FSIP2: variants seen among roughly 807,000 people sequenced by gnomAD.
FSIP2 encodes fibrous sheath-interacting protein 2.
FSIP2 carries 367 observed loss-of-function variants against 510.5 expected under a neutral mutation model. The observed-to-expected ratio is 0.72, with a 90% CI of 0.66 to 0.78. FSIP2 has a LOEUF of 0.78. FSIP2 is among the 30% of genes least tolerant of loss of function. The pLI is 0.00. For missense variants in FSIP2, 7,594 were observed against 7,901.7 expected, an observed-to-expected ratio of 0.96 and a Z score of 1.48; for synonymous variants, 2,601 against 2,732.2, an observed-to-expected ratio of 0.95 and a Z score of 1.50.
chr2:185,751,650 G>A (rs1163539298), intron 7 of FSIP2, among the ~76,000 whole-genome samples: 1 of 151,056 alleles, frequency 6.6e-6, no homozygotes. Flanking sequence ...TCTCATCTAT[G>A]TTCTTTTCTT....
intron 7 of FSIP2, among the ~76,000 whole-genome samples, chr2:185,750,214 T>A (rs1032865944): frequency 2.0e-5 from 3 of 151,630 alleles, no homozygotes; most frequent in Non-Finnish European, 3.0e-5. Flanking sequence ...TTTGAAAAAA[T>A]TATTTTAGAA....
intron 13 of FSIP2, among the ~76,000 whole-genome samples, chr2:185,778,987 C>G (rs1182456495): frequency 6.6e-6 from 1 of 151,920 alleles, no homozygotes; most frequent in Non-Finnish European, 1.5e-5. Flanking sequence ...TATCATCATG[C>G]AGTGACCTTT....
intron 7 of FSIP2, among the ~76,000 whole-genome samples, chr2:185,751,644 A>T (rs67690898): frequency 0.55 from 82,260 of 150,772 alleles, 22,651 homozygotes; most frequent in South Asian, 0.64. Context: ...TATTTGTCTC[A>T]TCTATGTTCT....
intron 21 of FSIP2, among the ~76,000 whole-genome samples, chr2:185,831,563 T>C (rs991777747): frequency 2.0e-5 from 3 of 151,954 alleles, no homozygotes; most frequent in East Asian, 3.9e-4. Context: ...GGCTGAACCA[T>C]TGACCCTCAC....
upstream of FSIP2, chr2:185,738,633 G>A (rs772200027): frequency 6.6e-5 from 102 of 1,535,912 alleles, no homozygotes; most frequent in Non-Finnish European, 8.5e-5. Context: ...GAAAGATGAA[G>A]TTTCAACTGT....
At chr2:185,742,022 G>A (rs1013951184) in intron 2 of FSIP2, among the ~76,000 whole-genome samples, 2 of 152,124 alleles carry the variant, frequency 1.3e-5, no homozygotes, top group Non-Finnish European at 2.9e-5. Flanking sequence ...AGTATAAATT[G>A]AATTTCATGC....
chr2:185,804,133 G>T lies in FSIP2; in HGVS notation c.14827G>T (p.Val4943Leu). The stretch of plus-strand genomic sequence containing the variant: ...TAAACAAAGAGAATTATCTTTTATT[G>T]TGAACTCATCTGTCTTTTTGGAGGA... ...DPKQRELSFI[V>L]NSSVFLEEVI... is the part of the protein sequence containing the mutation. The change falls in exon 17 of 23, where the codon GTG becomes TTG. Residue 4943 changes from valine to leucine, a missense_variant. Val to Leu is a conservative substitution (Grantham distance 32, BLOSUM62 1). Transcript: ENST00000424728. 1 of 1,518,912 alleles carries T rather than the reference G, an allele frequency of 6.6e-7. No homozygotes were observed. Among genetic ancestry groups the T allele is most frequent in the South Asian group, 1.2e-5 (1 of 80,458 alleles). 94.1% of individuals were successfully genotyped at this position (1,518,912 alleles called of 1,614,324 possible). A position where few individuals can be genotyped will look rare whatever the true frequency, so the allele number is the denominator to read the frequency against.
At chr2:185,775,327 T>A (rs6733021) in intron 13 of FSIP2, among the ~76,000 whole-genome samples, 1 of 149,494 alleles carries the variant, frequency 6.7e-6, no homozygotes, top group Admixed American at 6.6e-5. Context: ...TTTCTCTGAT[T>A]GCCAGTGATG....
chr2:185,774,074 T>A (rs1281734605), intron 13 of FSIP2, among the ~76,000 whole-genome samples: 2 of 152,204 alleles, frequency 1.3e-5, no homozygotes, highest in Non-Finnish European at 2.9e-5. Flanking sequence ...CTCTTACTAG[T>A]CAGTTAGAAA....
chr2:185,737,253 A>G (rs116154065), upstream of FSIP2, among the ~76,000 whole-genome samples: 34 of 152,326 alleles, frequency 2.2e-4, no homozygotes, highest in African/African-American at 8.2e-4. Context: ...TAAGCCACTA[A>G]GTTTGTGGTG....
chr2:185,828,144 TA>T lies in FSIP2; in HGVS notation c.20474-10del. The stretch of plus-strand genomic sequence containing the variant: ...AGAGACTATTTTACTTTTTTTTTTT[TA>T]ATCTCTACAGAAAGTTCTCAGGAAC... On this transcript the variant is annotated splice_polypyrimidine_tract_variant and intron_variant, in intron 20 of 22. Coordinates refer to ENST00000424728, the MANE Select transcript of FSIP2 (RefSeq NM_173651.4). The T allele has an allele frequency of 6.6e-7, 1 of 1,506,236 alleles. No homozygotes were observed. Among genetic ancestry groups the T allele is most frequent in the Non-Finnish European group, 9.2e-7 (1 of 1,090,002 alleles). The allele number at this position is 1,506,236 out of a possible 1,614,324, so 93.3% of individuals were successfully genotyped here.
chr2:185,790,852 A>T lies in FSIP2; in HGVS notation c.3716A>T (p.Asp1239Val). Residue 1239 changes from aspartate (D) to valine (V), a missense_variant, in exon 16 of 23, where the codon GAT (aspartate) becomes GTT (valine). Coordinates refer to ENST00000424728, the MANE Select transcript of FSIP2 (RefSeq NM_173651.4). ...KMKYLSLFDV[D>V]PEKPPWLKSG... Reference sequence around the variant, plus strand: ...AAATATTTATCTTTATTTGACGTTGATCCTGAAAAGCCTCCCTGGTTAAAA... The same window carrying T: ...AAATATTTATCTTTATTTGACGTTGTTCCTGAAAAGCCTCCCTGGTTAAAA... 6 of 1,533,092 alleles carry T rather than the reference A, an allele frequency of 3.9e-6. No individual in the cohort carries two copies. The South Asian group carries it at 7.2e-5, about 18-fold the overall frequency. The allele number at this position is 1,533,092 out of a possible 1,614,324, so 95.0% of individuals were successfully genotyped here.
chr2:185,745,180 T>C, intron 4 of FSIP2: 1 of 257,116 alleles, frequency 3.9e-6, no homozygotes, highest in Non-Finnish European at 7.2e-6. Context: ...GTGTTTCTTC[T>C]CTACTTCCTG....
Position 185,756,279 on chromosome 2 carries a change from G to A in FSIP2, c.1078+1G>A. On this transcript the variant is annotated splice_donor_variant, in intron 9 of 22. Transcript: ENST00000424728. LOFTEE classifies it high-confidence loss of function. ...CAGAATACATATAAAGAAACACATG[G>A]TAATTGAATATTGTGACAAGAAACA... 1.8e-6 allele frequency: 2 copies of A among 1,138,830 alleles called. No homozygotes were observed. Among genetic ancestry groups the A allele is most frequent in the Non-Finnish European group, 2.4e-6 (2 of 825,624 alleles). 70.5% of individuals were successfully genotyped at this position (1,138,830 alleles called of 1,614,324 possible).
chr2:185,800,910 T>C lies in FSIP2; in HGVS notation c.11604T>C (p.Phe3868=), dbSNP rs1256582150. The part of the protein sequence containing the change: ...SIQQAPESLP[F]ANKHLNYRTR... ...AACAAGCTCCGGAAAGTCTACCTTT[T>C]GCAAATAAGCATTTGAACTACAGAA... The change falls in exon 17 of 23, where the codon TTT becomes TTC. Residue 3868 remains phenylalanine, a synonymous_variant. Transcript: ENST00000424728. 1.3e-5 allele frequency: 20 copies of C among 1,532,762 alleles called. No individual in the cohort carries two copies. The highest frequency in any genetic ancestry group is 2.4e-5 in the South Asian group (2 of 83,656). 94.9% of individuals were successfully genotyped at this position (1,532,762 alleles called of 1,614,324 possible).
chr2:185,742,329 G>A (rs1691939514), intron 2 of FSIP2, among the ~76,000 whole-genome samples: 1 of 152,110 alleles, frequency 6.6e-6, no homozygotes, highest in Admixed American at 6.6e-5. Context: ...TTTAATTCAT[G>A]GTGAGATTGA....
chr2:185,806,115 T>A lies in FSIP2; in HGVS notation c.16809T>A (p.Asp5603Glu). The change falls in exon 17 of 23, where the codon GAT becomes GAA. Residue 5603 changes from aspartate to glutamate, a missense_variant. Coordinates refer to ENST00000424728, the MANE Select transcript of FSIP2 (RefSeq NM_173651.4). ...TEYEKEVLGSDSEIGYKKKID... is the reference protein window; with the variant it reads ...TEYEKEVLGSESEIGYKKKID... ...ATGAGAAGGAAGTACTTGGATCAGA[T>A]TCTGAAATAGGCTATAAAAAGAAGA... The A allele has an allele frequency of 6.3e-7, 1 of 1,574,810 alleles. No individual in the cohort carries two copies. Among genetic ancestry groups the A allele is most frequent in the Non-Finnish European group, 8.6e-7 (1 of 1,167,582 alleles).
At chr2:185,821,285 G>T (rs1459527313) in intron 19 of FSIP2, among the ~76,000 whole-genome samples, 1 of 151,780 alleles carries the variant, frequency 6.6e-6, no homozygotes, top group Non-Finnish European at 1.5e-5. Flanking sequence ...AAACAGTAAA[G>T]AAATTGAACC....
chr2:185,739,441 T>C lies in FSIP2; in HGVS notation c.195T>C (p.Ala65=). The change falls in exon 2 of 23, where the codon GCT becomes GCC. Residue 65 remains alanine (A), a synonymous_variant. Coordinates refer to ENST00000424728, the MANE Select transcript of FSIP2 (RefSeq NM_173651.4). ...TGCCTGTGATCCCAGGAAGCAATGC[T>C]GTATTCTATACTACGAATTTCGGTG... is the stretch of plus-strand genomic sequence containing the variant. ...VKLPVIPGSN[A]VFYTTNFGEK... 1 of 1,532,160 alleles carries C rather than the reference T, an allele frequency of 6.5e-7. No individual in the cohort carries two copies. The highest frequency in any genetic ancestry group is 2.0e-5 in the Admixed American group (1 of 50,314). The allele number at this position is 1,532,160 out of a possible 1,614,324, so 94.9% of individuals were successfully genotyped here.
Sources: allele counts gnomAD v4.1 joint callset (sites outside exome capture counted in the v4.1 genomes callset), GRCh38; gene constraint gnomAD v4.1.1; transcripts MANE v1.5; gene names NCBI Gene and HGNC (gene_info 2026-07-23, HGNC 2026-07-21).